Variants in DTWD2 observed in about 807,000 individuals in gnomAD.
DTWD2 encodes DTW motif tRNA-uridine aminocarboxypropyltransferase 2.
A neutral mutation model predicts 31.8 loss-of-function variants in DTWD2; 39 were observed. The observed-to-expected ratio is 1.22, with a 90% CI of 0.95 to 1.60. The LOEUF is 1.60. Among genes scored for constraint, DTWD2 ranks in the 40% most tolerant of loss-of-function variants. The pLI, the probability that DTWD2 is intolerant of heterozygous loss-of-function variation, is 0.00. For synonymous variants in DTWD2, 180 were observed against 142.8 expected, an observed-to-expected ratio of 1.26 and a Z score of -1.86; for missense variants, 515 against 381.5, an observed-to-expected ratio of 1.35 and a Z score of -2.92.
chr5:118,882,236 T>G (rs560847091), intron 4 of DTWD2, among the ~76,000 whole-genome samples: 9 of 152,284 alleles, frequency 5.9e-5, no homozygotes, highest in African/African-American at 2.2e-4. Flanking sequence ...CAAAATATCC[T>G]TTGACTCCAG....
At chr5:118,863,432 G>C (rs746813800) in intron 4 of DTWD2, among the ~76,000 whole-genome samples, 22 of 152,094 alleles carry the variant, frequency 1.4e-4, no homozygotes, top group Non-Finnish European at 2.4e-4. Flanking sequence ...TCTTATTCAA[G>C]AAGTCCTTTC....
chr5:118,849,878 G>T (rs952938988), intron 4 of DTWD2, among the ~76,000 whole-genome samples: 1 of 152,052 alleles, frequency 6.6e-6, no homozygotes, highest in East Asian at 1.9e-4. Flanking sequence ...GCCTGTTGGG[G>T]GGTGTGGGGG....
At chr5:118,905,722 TA>T (rs1456156320) in intron 4 of DTWD2, among the ~76,000 whole-genome samples, 1 of 151,926 alleles carries the variant, frequency 6.6e-6, no homozygotes, top group Non-Finnish European at 1.5e-5. Flanking sequence ...TGGATAACTA[TA>T]TTTTTTATAA....
intron 4 of DTWD2, among the ~76,000 whole-genome samples, chr5:118,887,448 T>C (rs1408173274): frequency 6.6e-6 from 1 of 152,158 alleles, no homozygotes; most frequent in Non-Finnish European, 1.5e-5. Flanking sequence ...TGTAAAGATC[T>C]ACACTATTAC....
chr5:118,844,315 T>C (rs1441914328), intron 5 of DTWD2, among the ~76,000 whole-genome samples: 1 of 152,250 alleles, frequency 6.6e-6, no homozygotes, highest in Non-Finnish European at 1.5e-5. Flanking sequence ...TAAAAATTCC[T>C]ATGATAAAAC....
intron 1 of DTWD2, among the ~76,000 whole-genome samples, chr5:118,984,589 A>G (rs1241699723): frequency 6.6e-6 from 1 of 152,232 alleles, no homozygotes; most frequent in Non-Finnish European, 1.5e-5. Context: ...GGTGTTAAAT[A>G]CATAGATATG....
At chr5:118,921,402 C>T (rs1753700405) in intron 4 of DTWD2, among the ~76,000 whole-genome samples, 1 of 151,652 alleles carries the variant, frequency 6.6e-6, no homozygotes, top group African/African-American at 2.4e-5. Context: ...ACTAGTCCCA[C>T]CACTGAGGTC....
intron 4 of DTWD2, among the ~76,000 whole-genome samples, chr5:118,852,166 A>C (rs115558590): frequency 6.6e-6 from 1 of 152,116 alleles, no homozygotes; most frequent in South Asian, 2.1e-4. Context: ...TTTTTGCCCA[A>C]CCCGGGAAGC....
intron 4 of DTWD2, among the ~76,000 whole-genome samples, chr5:118,913,554 CTG>C (rs1267036092): frequency 3.3e-5 from 5 of 151,506 alleles, no homozygotes; most frequent in African/African-American, 1.2e-4. Flanking sequence ...CAAAACCAAA[CTG>C]TATTTCACTT....
chr5:118,887,695 C>T (rs7731966), intron 4 of DTWD2, among the ~76,000 whole-genome samples: 3,589 of 152,220 alleles, frequency 0.024, 143 homozygotes, highest in African/African-American at 0.082. Context: ...CATGGCTCAC[C>T]GCAGCCTCAA....
intron 4 of DTWD2, among the ~76,000 whole-genome samples, chr5:118,923,788 C>T (rs950445696): frequency 2.0e-5 from 3 of 152,150 alleles, no homozygotes; most frequent in African/African-American, 2.4e-5. Flanking sequence ...GCTGCAGACC[C>T]GCACAGATGT....
chr5:118,861,571 C>T (rs150578213), intron 4 of DTWD2, among the ~76,000 whole-genome samples: 2 of 149,834 alleles, frequency 1.3e-5, no homozygotes, highest in Admixed American at 1.3e-4. Flanking sequence ...TTTAACGAAA[C>T]TGATTTTTTT....
intron 1 of DTWD2, among the ~76,000 whole-genome samples, chr5:118,977,648 T>G (rs1755196160): frequency 6.6e-6 from 1 of 152,120 alleles, no homozygotes; most frequent in Admixed American, 6.5e-5. Context: ...AAGGACCTCT[T>G]TAAGGAGAAC....
chr5:118,877,041 G>A (rs1373349798), intron 4 of DTWD2, among the ~76,000 whole-genome samples: 4 of 152,184 alleles, frequency 2.6e-5, no homozygotes, highest in Non-Finnish European at 5.9e-5. Context: ...AATCAAGTAG[G>A]CTTTATCCCT....
intron 1 of DTWD2, among the ~76,000 whole-genome samples, chr5:118,950,239 A>T (rs937472791): frequency 4.7e-5 from 7 of 148,432 alleles, no homozygotes; most frequent in African/African-American, 1.8e-4. Flanking sequence ...AAAAAAAAAG[A>T]ATATTGTCTA....
rs199872142 is a variant in DTWD2, at chr5:118,869,202, G to A, written c.598-20984C>T. ...TATATATTTAAAAATGGTTCAGACT[G>A]TAAATTTTATATGTGTATTTTACCA... On this transcript the variant is annotated intron_variant, in intron 4 of 5. Transcript: ENST00000510708. 2.6e-5 allele frequency among the ~76,000 whole-genome samples: 4 copies of A among 152,246 alleles called. No homozygotes were observed. The East Asian group carries it at 7.7e-4, about 29-fold the overall frequency.
chr5:118,862,510 G>C (rs1752285299), intron 4 of DTWD2, among the ~76,000 whole-genome samples: 1 of 152,096 alleles, frequency 6.6e-6, no homozygotes, highest in Non-Finnish European at 1.5e-5. Context: ...CAGGTCTTTA[G>C]TGTGATTTAA....
At chr5:118,942,280 T>C (rs1340500169) in intron 2 of DTWD2, among the ~76,000 whole-genome samples, 1 of 151,818 alleles carries the variant, frequency 6.6e-6, no homozygotes, top group Non-Finnish European at 1.5e-5. Context: ...GAGGCAGAGG[T>C]TGGAGGATAA....
rs770830179 is a variant in DTWD2 at position 118,944,607 on chromosome 5, G to T, written c.261C>A (p.His87Gln). 6.2e-7 allele frequency: 1 copy of T among 1,613,656 alleles called. No homozygotes were observed. Among genetic ancestry groups the T allele is most frequent in the South Asian group, 1.1e-5 (1 of 91,068 alleles). ...KVCLCPFLPAHPLHISTHLYI... is the reference protein window; with the variant it reads ...KVCLCPFLPAQPLHISTHLYI... ...ACAAGTGGGTAGAGATATGCAGAGG[G>T]TGCGCTGGGAGAAATGGACACAAAC... Residue 87 changes from histidine to glutamine, a missense_variant, in exon 2 of 6, where the codon CAC becomes CAA. Coordinates refer to ENST00000510708, the MANE Select transcript of DTWD2 (RefSeq NM_173666.4).
Sources: allele counts gnomAD v4.1 joint callset (sites outside exome capture counted in the v4.1 genomes callset), GRCh38; gene constraint gnomAD v4.1.1; transcripts MANE v1.5; gene names NCBI Gene and HGNC (gene_info 2026-07-23, HGNC 2026-07-21).